PRKG1: variants seen among roughly 807,000 people sequenced by gnomAD.
The protein encoded by PRKG1 is cGMP-dependent protein kinase 1.
In PRKG1, 35 loss-of-function variants were observed where a neutral mutation model predicts 88.1. That is an observed-to-expected ratio of 0.40 (90% CI 0.30 to 0.53). PRKG1 has a LOEUF of 0.53. Ranked by LOEUF, PRKG1 falls within the 20% of genes least tolerant of loss-of-function variation. The pLI, the probability that PRKG1 is intolerant of heterozygous loss-of-function variation, is 0.59. For synonymous variants in PRKG1, 303 were observed against 292.5 expected, an observed-to-expected ratio of 1.04 and a Z score of -0.37; for missense variants, 540 against 839.8, an observed-to-expected ratio of 0.64 and a Z score of 4.41.
chr10:51,483,180 C>G (rs1052192094), intron 3 of PRKG1, among the ~76,000 whole-genome samples: 1 of 152,054 alleles, frequency 6.6e-6, no homozygotes, highest in Non-Finnish European at 1.5e-5. Context: ...GCCACCACGA[C>G]TGGCTAATTT....
At chr10:52,211,402 C>A (rs1333280039) in intron 9 of PRKG1, among the ~76,000 whole-genome samples, 3 of 152,146 alleles carry the variant, frequency 2.0e-5, no homozygotes, top group Non-Finnish European at 2.9e-5. Flanking sequence ...AAGGTTAAAT[C>A]TTCATAATCC....
chr10:52,199,090 CT>C (rs1268695395), intron 9 of PRKG1, among the ~76,000 whole-genome samples: 3 of 2,510 alleles, frequency 1.2e-3, no homozygotes, highest in African/African-American at 2.1e-3. Flanking sequence ...CATCCTTGCT[CT>C]TTCTTTTTTT....
intron 2 of PRKG1, among the ~76,000 whole-genome samples, chr10:51,461,951 T>C (rs1455868214): frequency 6.6e-6 from 1 of 152,186 alleles, no homozygotes; most frequent in Non-Finnish European, 1.5e-5. Flanking sequence ...ATAGTATGCC[T>C]AATCTATTAA....
chr10:51,691,959 A>C (rs922631453), intron 3 of PRKG1, among the ~76,000 whole-genome samples: 1 of 152,354 alleles, frequency 6.6e-6, no homozygotes, highest in Admixed American at 6.5e-5. Flanking sequence ...AATTTCTCTG[A>C]TGCTTAAAAT....
chr10:51,925,418 A>G (rs369351569), intron 5 of PRKG1, among the ~76,000 whole-genome samples: 2 of 152,188 alleles, frequency 1.3e-5, no homozygotes, highest in East Asian at 3.9e-4. Flanking sequence ...TAAAGTGTCA[A>G]GGGGATTTCT....
intron 1 of PRKG1, among the ~76,000 whole-genome samples, chr10:51,147,344 C>T (rs1845967830): frequency 6.6e-6 from 1 of 151,952 alleles, no homozygotes; most frequent in Non-Finnish European, 1.5e-5. Flanking sequence ...GATAATTACC[C>T]TGACTTGATC....
At chr10:51,208,457 C>G (rs75429675) in intron 2 of PRKG1, among the ~76,000 whole-genome samples, 2,797 of 152,184 alleles carry the variant, frequency 0.018, 42 homozygotes, top group Middle Eastern at 0.048. Context: ...TAAGCACAGC[C>G]CCATTGTTAC....
intron 7 of PRKG1, among the ~76,000 whole-genome samples, chr10:52,064,670 G>C (rs1428764571): frequency 6.6e-6 from 1 of 152,188 alleles, no homozygotes; most frequent in South Asian, 2.1e-4. Context: ...AGCCCCAGGA[G>C]CACAGGGATG....
At chr10:51,212,070 A>G (rs1838236405) in intron 2 of PRKG1, among the ~76,000 whole-genome samples, 1 of 152,114 alleles carries the variant, frequency 6.6e-6, no homozygotes, top group Non-Finnish European at 1.5e-5. Context: ...AAACTATACT[A>G]CAAGGCTACA....
chr10:51,975,172 A>G (rs1199801576), intron 5 of PRKG1, among the ~76,000 whole-genome samples: 1 of 152,116 alleles, frequency 6.6e-6, no homozygotes, highest in African/African-American at 2.4e-5. Context: ...CGGGCTTCAT[A>G]GGTCCATTTT....
intron 3 of PRKG1, among the ~76,000 whole-genome samples, chr10:51,645,697 G>A (rs913670776): frequency 6.6e-6 from 1 of 152,010 alleles, no homozygotes; most frequent in Non-Finnish European, 1.5e-5. Flanking sequence ...AGAAAAACAA[G>A]TACTCATTAT....
At chr10:51,663,043 A>G (rs1195921360) in intron 3 of PRKG1, among the ~76,000 whole-genome samples, 2 of 152,104 alleles carry the variant, frequency 1.3e-5, no homozygotes, top group African/African-American at 4.8e-5. Flanking sequence ...TATGATTAGA[A>G]TTAGGTTTTA....
intron 3 of PRKG1, among the ~76,000 whole-genome samples, chr10:51,695,207 T>C (rs1195397165): frequency 6.6e-6 from 1 of 152,214 alleles, no homozygotes; most frequent in East Asian, 1.9e-4. Context: ...TACGAGGTGC[T>C]ATTGAAATAC....
chr10:51,707,260 T>C (rs79061017), intron 3 of PRKG1, among the ~76,000 whole-genome samples: 2,407 of 152,276 alleles, frequency 0.016, 50 homozygotes, highest in African/African-American at 0.053. Flanking sequence ...TCCATTTTTA[T>C]TAAAAGGGCC....
In PRKG1 at chr10:52,014,397, C is replaced by A. The variant is rs79375783; in HGVS notation, c.763-40087C>A. Reference sequence around the variant, plus strand: ...ATCCCATGAGAACTCATGCACTATCCCTATCATGATAACACCATGGCGGAA... The same window carrying A: ...ATCCCATGAGAACTCATGCACTATCACTATCATGATAACACCATGGCGGAA... On this transcript the variant is annotated intron_variant, in intron 5 of 17. Coordinates refer to ENST00000373980, the MANE Select transcript of PRKG1 (RefSeq NM_006258.4). Among the ~76,000 whole-genome samples the A allele has an allele frequency of 5.9e-5, 9 of 152,168 alleles. No homozygotes were observed. In the East Asian group the frequency reaches 1.6e-3, roughly 26 times the overall value.
At chr10:52,165,466 TA>T (rs1418305093) in intron 9 of PRKG1, among the ~76,000 whole-genome samples, 2 of 152,196 alleles carry the variant, frequency 1.3e-5, no homozygotes, top group African/African-American at 2.4e-5. Context: ...GAACCAGCTC[TA>T]ATTTGTTTAA....
At chr10:51,683,761 C>A (rs993040633) in intron 3 of PRKG1, among the ~76,000 whole-genome samples, 2 of 152,132 alleles carry the variant, frequency 1.3e-5, no homozygotes, top group African/African-American at 4.8e-5. Flanking sequence ...CTTAGGTTCC[C>A]CCCACCACCC....
chr10:52,001,305 T>C (rs749078204), intron 5 of PRKG1, among the ~76,000 whole-genome samples: 3 of 151,876 alleles, frequency 2.0e-5, no homozygotes, highest in Non-Finnish European at 4.4e-5. Context: ...ATGGTGACTA[T>C]AGTTAATAAT....
intron 3 of PRKG1, chr10:51,699,330 T>A (rs1841399946): frequency 1.2e-6 from 2 of 1,614,068 alleles, no homozygotes; most frequent in Admixed American, 1.7e-5. Flanking sequence ...AGGTTCCGCA[T>A]GGCACTAAGC....
Sources: allele counts gnomAD v4.1 joint callset (sites outside exome capture counted in the v4.1 genomes callset), GRCh38; gene constraint gnomAD v4.1.1; transcripts MANE v1.5; gene names NCBI Gene and HGNC (gene_info 2026-07-23, HGNC 2026-07-21).